Variants in CCDC110 observed in about 807,000 individuals in gnomAD.
CCDC110 encodes coiled-coil domain containing 110.
CCDC110 carries 70 observed loss-of-function variants against 77.1 expected under a neutral mutation model. The ratio of observed to expected loss-of-function variants is 0.91; its 90% CI spans 0.75 to 1.11. CCDC110 has a LOEUF of 1.11. Ranked by LOEUF, CCDC110 falls within the 50% of genes least tolerant of loss-of-function variation. The pLI, the probability that CCDC110 is intolerant of heterozygous loss-of-function variation, is 0.00. For missense variants in CCDC110, 868 were observed against 942.9 expected (o/e 0.92, Z 1.04); for synonymous variants, 295 against 312.5 (o/e 0.94, Z 0.59).
chr4:185,452,397 G>A, intron 6 of CCDC110: 2 of 984,558 alleles, frequency 2.0e-6, no homozygotes, highest in South Asian at 4.7e-5. Context: ...TGTGGATGTT[G>A]ACATAACATG....
At position 185,471,383 on chromosome 4, in the gene CCDC110, G is replaced by T. The variant is rs1263070730; in HGVS notation, c.10+291C>A. The T allele has an allele frequency of 9.3e-4, 381 of 410,396 alleles. 2 individuals carry two copies. The highest frequency in any genetic ancestry group is 2.3e-3 in the Admixed American group (48 of 21,018). 25.4% of individuals were successfully genotyped at this position (410,396 alleles called of 1,614,324 possible). On this transcript the variant is annotated intron_variant, in intron 1 of 6. Transcript: ENST00000307588. The stretch of plus-strand genomic sequence containing the variant: ...GGGCGGAGGGATGGGGCGGAGGGAC[G>T]GCATCAGGCCGGGCCTGGGGCGGGG...
Position 185,459,845 on chromosome 4 carries a change from T to C in CCDC110, c.742A>G (p.Met248Val), listed in dbSNP as rs755221845. The C allele has an allele frequency of 6.2e-7, 1 of 1,613,302 alleles. No homozygotes were observed. The highest frequency in any genetic ancestry group is 8.5e-7 in the Non-Finnish European group (1 of 1,179,786). Reference protein sequence around the residue: ...LDDICHSIKQMKEELQKSHDG... With the variant: ...LDDICHSIKQVKEELQKSHDG... Reference sequence around the variant, plus strand: ...TGTGACTTTTGAAGCTCTTCTTTCATTTGTTTGATAGAATGGCAAATGTCA... The same window carrying C: ...TGTGACTTTTGAAGCTCTTCTTTCACTTGTTTGATAGAATGGCAAATGTCA... The change falls in exon 6 of 7, where the codon ATG becomes GTG. Residue 248 changes from methionine to valine, a missense_variant. Transcript: ENST00000307588.
Position 185,459,742 on chromosome 4 carries a change from T to A in CCDC110, c.845A>T (p.Asp282Val), listed in dbSNP as rs748611935. 2 of 1,613,600 alleles carry A rather than the reference T, an allele frequency of 1.2e-6. No homozygotes were observed. Among genetic ancestry groups the A allele is most frequent in the South Asian group, 2.2e-5 (2 of 91,064 alleles). Residue 282 changes from aspartate (D) to valine (V), a missense_variant, in exon 6 of 7, where the codon GAC becomes GTC. Physicochemically the swap from Asp to Val is radical, Grantham distance 152 (BLOSUM62 -3). Coordinates refer to ENST00000307588, the MANE Select transcript of CCDC110 (RefSeq NM_152775.4). Reference protein sequence around the residue: ...DPDVHRNGKYDMSPIHQDKMN... With the variant: ...DPDVHRNGKYVMSPIHQDKMN... ...TTTATCCTGGTGAATAGGGGACATG[T>A]CATATTTACCATTCCTGTGAACATC...
rs752263974 is a variant in CCDC110 at position 185,458,807 on chromosome 4, GGT to G, written c.1778_1779del (p.His593ProfsTer12). 6.2e-7 allele frequency: 1 copy of G among 1,608,890 alleles called. No homozygotes were observed. The highest frequency in any genetic ancestry group is 1.1e-5 in the South Asian group (1 of 89,688). The part of the protein sequence containing the change: ...DEKEMLEKKT[H>X]QLLKEKSSLG... ...AGTGAGCTTTTTTCTTTTAGAAGCTGGTGTGTTTTTTTCTCTAACATTTCTTT... is the reference window on the plus strand; with the variant it reads ...AGTGAGCTTTTTTCTTTTAGAAGCTGGTGTTTTTTTCTCTAACATTTCTTT... On this transcript the variant is annotated frameshift_variant, in exon 6 of 7. Transcript: ENST00000307588. LOFTEE classifies it high-confidence loss of function.
At chr4:185,456,426 AG>A (rs141900164) in intron 6 of CCDC110, among the ~76,000 whole-genome samples, 103,640 of 151,640 alleles carry the variant, frequency 0.68, 36,005 homozygotes, top group Middle Eastern at 0.76. Context: ...AATCAATGGA[AG>A]AAAAAAACAA....
chr4:185,471,699 C>G lies in CCDC110; in HGVS notation c.-16G>C, dbSNP rs777658063. On this transcript the variant is annotated 5_prime_UTR_variant, in exon 1 of 7. Coordinates refer to ENST00000307588, the MANE Select transcript of CCDC110 (RefSeq NM_152775.4). Reference sequence around the variant, plus strand: ...CCGGGCTCATCGCCGCGGCTCATCTCTCTCGCAACCGCCGCCGCACGCACC... The same window carrying G: ...CCGGGCTCATCGCCGCGGCTCATCTGTCTCGCAACCGCCGCCGCACGCACC... The G allele has an allele frequency of 3.7e-5, 57 of 1,542,076 alleles. No homozygotes were observed. The highest frequency in any genetic ancestry group is 4.8e-5 in the Non-Finnish European group (55 of 1,148,420).
At chr4:185,470,888 C>A in intron 2 of CCDC110, 57 bp downstream of exon 2, 1 of 1,265,242 alleles carries the variant, frequency 7.9e-7, no homozygotes, top group South Asian at 1.2e-5. Context: ...GTGGCACAGG[C>A]CAGATGCTGC....
In CCDC110 at chr4:185,459,885, A is replaced by G. The variant is rs1410132638; in HGVS notation, c.702T>C (p.Phe234=). The G allele has an allele frequency of 6.2e-7, 1 of 1,613,670 alleles. No individual in the cohort carries two copies. The highest frequency in any genetic ancestry group is 1.3e-5 in the African/African-American group (1 of 74,946). Residue 234 remains phenylalanine, a synonymous_variant, in exon 6 of 7, where the codon TTT becomes TTC. Transcript: ENST00000307588. ...GGCAAATGTCATCTAAATTTTCACAAAATCCATGCTTGAGAAAAGGCACAG... is the reference window on the plus strand; with the variant it reads ...GGCAAATGTCATCTAAATTTTCACAGAATCCATGCTTGAGAAAAGGCACAG... ...KITVPFLKHG[F]CENLDDICHS...
At chr4:185,445,601 G>C (rs1355051416) in intron 6 of CCDC110, 59 bp from the exon 7 acceptor site, 16 of 1,082,232 alleles carry the variant, frequency 1.5e-5, no homozygotes, top group African/African-American at 3.2e-5. Context: ...ATAATGCTTT[G>C]AGAAAAAGTA....
At chr4:185,449,178 G>T (rs985426520) in intron 6 of CCDC110, among the ~76,000 whole-genome samples, 1 of 152,092 alleles carries the variant, frequency 6.6e-6, no homozygotes, top group Non-Finnish European at 1.5e-5. Flanking sequence ...TTGTTAATAT[G>T]TTACAAAGTA....
In CCDC110 at chr4:185,449,538, T is replaced by C. The variant is rs912903116; in HGVS notation, c.2462-3996A>G. 1.1e-4 allele frequency: 118 copies of C among 1,071,112 alleles called. 1 individual carries two copies. Among genetic ancestry groups the C allele is most frequent in the Admixed American group, 4.9e-4 (18 of 37,068 alleles). 66.4% of individuals were successfully genotyped at this position (1,071,112 alleles called of 1,614,324 possible). A position where few individuals can be genotyped will look rare whatever the true frequency, so the allele number is the denominator to read the frequency against. The stretch of plus-strand genomic sequence containing the variant: ...ACCCGGTCTTAAAAAAAAAAAAGAA[T>C]GTACAGGTATTTGACTTGCACCTAT... On this transcript the variant is annotated intron_variant, in intron 6 of 6. Transcript: ENST00000307588.
chr4:185,457,692 T>C, intron 6 of CCDC110: 1 of 919,790 alleles, frequency 1.1e-6, no homozygotes, highest in Non-Finnish European at 1.5e-6. Flanking sequence ...GTTAATGTAA[T>C]CACATAATTT....
At chr4:185,470,623 C>A in intron 2 of CCDC110, 1 of 496,626 alleles carries the variant, frequency 2.0e-6, no homozygotes, top group Middle Eastern at 4.1e-4. Context: ...GTGGTGAAGA[C>A]AGGCAGTCCG....
At position 185,458,429 on chromosome 4, in the gene CCDC110, C is replaced by G; in HGVS notation, c.2158G>C (p.Glu720Gln). ...ETKTDNQILK[E>Q]ELKKHSQENI... ...TCTTGACTATGTTTCTTTAGTTCTT[C>G]TTTTAGAATCTGATTATCTGTTTTG... is the stretch of plus-strand genomic sequence containing the variant. Residue 720 changes from glutamate (E) to glutamine (Q), a missense_variant, in exon 6 of 7, where the codon GAA (glutamate) becomes CAA (glutamine). Transcript: ENST00000307588. The G allele has an allele frequency of 6.3e-7, 1 of 1,597,128 alleles. No homozygotes were observed. Among genetic ancestry groups the G allele is most frequent in the Non-Finnish European group, 8.5e-7 (1 of 1,173,598 alleles).
chr4:185,469,750 G>A (rs761840972), intron 2 of CCDC110, among the ~76,000 whole-genome samples: 16 of 152,228 alleles, frequency 1.1e-4, no homozygotes, highest in Non-Finnish European at 1.9e-4. Context: ...GGGCACCCGG[G>A]TGTCTTCTGT....
intron 2 of CCDC110, chr4:185,470,698 T>C: frequency 1.7e-6 from 1 of 596,490 alleles, no homozygotes; most frequent in South Asian, 1.5e-5. Flanking sequence ...AGTTAACCTC[T>C]CTGTGCCCGT....
At chr4:185,470,639 G>T (rs1269770020) in intron 2 of CCDC110, 1 of 512,570 alleles carries the variant, frequency 2.0e-6, no homozygotes, top group South Asian at 1.5e-5. Context: ...GTCCGGAGCC[G>T]CCCTGCTGAA....
At chr4:185,445,863 C>T (rs181396226) in intron 6 of CCDC110, among the ~76,000 whole-genome samples, 77 of 152,104 alleles carry the variant, frequency 5.1e-4, no homozygotes, top group Non-Finnish European at 7.9e-4. Context: ...TTTTTTGAGA[C>T]GGAGTTTCGC....
At chr4:185,449,976 G>T (rs1341096322) in intron 6 of CCDC110, 2 of 202,550 alleles carry the variant, frequency 9.9e-6, no homozygotes, top group Non-Finnish European at 2.0e-5. Context: ...GGAAGAGACT[G>T]CTGGAAGGGT....
Sources: allele counts gnomAD v4.1 joint callset (sites outside exome capture counted in the v4.1 genomes callset), GRCh38; gene constraint gnomAD v4.1.1; transcripts MANE v1.5; gene names NCBI Gene and HGNC (gene_info 2026-07-23, HGNC 2026-07-21).